Variants in SMYD3 observed in about 807,000 individuals in gnomAD.
The protein encoded by SMYD3 is histone-lysine N-methyltransferase SMYD3.
Under a neutral mutation model 57.7 loss-of-function variants are expected in SMYD3, and 36 were observed. The observed-to-expected ratio is 0.62, with a 90% confidence interval of 0.48 to 0.82. The LOEUF (loss-of-function observed/expected upper bound fraction) is 0.82. SMYD3 is among the 40% of genes least tolerant of loss of function. The pLI is 0.00. For synonymous variants in SMYD3, 211 were observed against 195.0 expected, an observed-to-expected ratio of 1.08 and a Z score of -0.68; for missense variants, 515 against 538.8, an observed-to-expected ratio of 0.96 and a Z score of 0.44.
At chr1:245,800,458 G>A (rs1301805824) in intron 10 of SMYD3, among the ~76,000 whole-genome samples, 1 of 151,788 alleles carries the variant, frequency 6.6e-6, no homozygotes, top group East Asian at 1.9e-4. Flanking sequence ...ATATCTAATA[G>A]TGCTTGGCAC....
intron 5 of SMYD3, among the ~76,000 whole-genome samples, chr1:246,246,348 T>C (rs1025404176): frequency 2.0e-5 from 3 of 152,186 alleles, no homozygotes; most frequent in Non-Finnish European, 4.4e-5. Flanking sequence ...GCTCTAGTTG[T>C]TCAAATGAGA....
At chr1:246,233,427 AGAG>A (rs2063454769) in intron 5 of SMYD3, among the ~76,000 whole-genome samples, 1 of 132,400 alleles carries the variant, frequency 7.6e-6, no homozygotes, top group Admixed American at 7.8e-5. Flanking sequence ...TATACCACAC[AGAG>A]GAGAAGCACT....
At chr1:246,278,534 T>C (rs1449852763) in intron 5 of SMYD3, among the ~76,000 whole-genome samples, 1 of 152,134 alleles carries the variant, frequency 6.6e-6, no homozygotes, top group Non-Finnish European at 1.5e-5. Context: ...GAACTGTGGG[T>C]GGTCTCCAGG....
chr1:246,274,778 C>T (rs2148555653), intron 5 of SMYD3, among the ~76,000 whole-genome samples: 1 of 152,192 alleles, frequency 6.6e-6, no homozygotes, highest in East Asian at 1.9e-4. Context: ...AAGGTCTCAG[C>T]CTTGTTCCCC....
chr1:246,272,184 G>A (rs1419664862), intron 5 of SMYD3, among the ~76,000 whole-genome samples: 1 of 152,136 alleles, frequency 6.6e-6, no homozygotes, highest in African/African-American at 2.4e-5. Context: ...TTTTTTGTGG[G>A]ATCTTTAGGA....
At chr1:246,168,453 CA>C (rs1205813059) in intron 5 of SMYD3, among the ~76,000 whole-genome samples, 5 of 152,126 alleles carry the variant, frequency 3.3e-5, no homozygotes, top group African/African-American at 1.2e-4. Context: ...TTTTTAACAA[CA>C]TAGGAAAGGC....
Position 246,074,913 on chromosome 1 carries a change from TACACACACACAC to T in SMYD3, c.532-144988_532-144977del, listed in dbSNP as rs60103366. ...CCAATATAATAGCATGCTAAAGCAA[TACACACACACAC>T]ACACACACACACACACACACACACA... is the stretch of plus-strand genomic sequence containing the variant. On this transcript the variant is annotated intron_variant, in intron 5 of 11. Transcript: ENST00000490107. 2.3e-4 allele frequency among the ~76,000 whole-genome samples: 34 copies of T among 148,472 alleles called. No individual in the cohort carries two copies. In the East Asian group the frequency reaches 5.1e-3, roughly 22 times the overall value.
chr1:246,286,626 T>C (rs1460512532), intron 5 of SMYD3, among the ~76,000 whole-genome samples: 1 of 152,172 alleles, frequency 6.6e-6, no homozygotes, highest in Non-Finnish European at 1.5e-5. Context: ...CCAATATAAA[T>C]GTAATACAGA....
intron 11 of SMYD3, among the ~76,000 whole-genome samples, chr1:245,757,810 G>C (rs115185282): frequency 2.6e-5 from 4 of 152,074 alleles, no homozygotes; most frequent in Admixed American, 2.6e-4. Context: ...GTATCACCCT[G>C]TTTTGACTAC....
chr1:246,248,570 A>C (rs1185267991), intron 5 of SMYD3, among the ~76,000 whole-genome samples: 4 of 151,240 alleles, frequency 2.6e-5, no homozygotes, highest in Non-Finnish European at 5.9e-5. Flanking sequence ...GTCAGGCTCC[A>C]AAGTCTGAGT....
At chr1:245,799,553 A>C (rs1219761024) in intron 10 of SMYD3, among the ~76,000 whole-genome samples, 1 of 137,164 alleles carries the variant, frequency 7.3e-6, no homozygotes, top group Non-Finnish European at 1.6e-5. Context: ...CTCTGAAGCA[A>C]GCTAGGCAAT....
chr1:245,755,516 T>C (rs1436241871), intron 11 of SMYD3, among the ~76,000 whole-genome samples: 1 of 152,208 alleles, frequency 6.6e-6, no homozygotes, highest in African/African-American at 2.4e-5. Flanking sequence ...TATTTGCTCA[T>C]TTCTCCTTTC....
At chr1:246,018,378 A>G (rs1043984118) in intron 5 of SMYD3, among the ~76,000 whole-genome samples, 2 of 152,124 alleles carry the variant, frequency 1.3e-5, no homozygotes, top group Non-Finnish European at 2.9e-5. Context: ...CTTTGAGCCA[A>G]AGTGGCTTCC....
chr1:246,123,475 G>GA (rs2061454894), intron 5 of SMYD3, among the ~76,000 whole-genome samples: 1 of 151,948 alleles, frequency 6.6e-6, no homozygotes, highest in Non-Finnish European at 1.5e-5. Context: ...GCTGAGGCAG[G>GA]AGAATAGCTT....
intron 5 of SMYD3, among the ~76,000 whole-genome samples, chr1:245,937,737 C>T (rs991286412): frequency 1.3e-5 from 2 of 152,226 alleles, no homozygotes; most frequent in African/African-American, 4.8e-5. Context: ...ATGTATCGCA[C>T]TTAAAGATTC....
intron 1 of SMYD3, among the ~76,000 whole-genome samples, chr1:246,431,924 T>C (rs1166342366): frequency 1.3e-5 from 2 of 152,344 alleles, no homozygotes; most frequent in East Asian, 1.9e-4. Context: ...CTAACTTTTA[T>C]TTATTTTAGG....
intron 5 of SMYD3, among the ~76,000 whole-genome samples, chr1:246,115,001 C>T (rs533168454): frequency 6.4e-4 from 98 of 152,334 alleles, no homozygotes; most frequent in Non-Finnish European, 1.1e-3. Flanking sequence ...TAGCCAGTCA[C>T]GCTCACAACA....
chr1:246,406,660 AGATACTCAATGTGCCT>A, intron 1 of SMYD3, among the ~76,000 whole-genome samples: 1 of 152,352 alleles, frequency 6.6e-6, no homozygotes, highest in African/African-American at 2.4e-5. Context: ...CCTACAAGGT[AGATACTCAATGTGCCT>A]ATTTATTTTC....
At chr1:245,963,491 A>G (rs1572800954) in intron 5 of SMYD3, among the ~76,000 whole-genome samples, 1 of 151,912 alleles carries the variant, frequency 6.6e-6, no homozygotes, top group Non-Finnish European at 1.5e-5. Context: ...AAAACTCCAG[A>G]GGTGCCCATC....
Sources: allele counts gnomAD v4.1 joint callset (sites outside exome capture counted in the v4.1 genomes callset), GRCh38; gene constraint gnomAD v4.1.1; transcripts MANE v1.5; gene names NCBI Gene and HGNC (gene_info 2026-07-23, HGNC 2026-07-21).